Variants in WDR75 observed in about 807,000 individuals in gnomAD.
The protein encoded by WDR75 is WD repeat domain 75, also known as WD repeat-containing protein 75.
In WDR75, 52 loss-of-function variants were observed where a neutral mutation model predicts 106.1. That is an observed-to-expected ratio of 0.49 (90% CI 0.39 to 0.62). The LOEUF (loss-of-function observed/expected upper bound fraction) is 0.62, where lower values mean the gene tolerates loss of function less well. Ranked by LOEUF, WDR75 falls within the 20% of genes least tolerant of loss-of-function variation. The probability of loss-of-function intolerance (pLI) is 0.00; values close to 1 mark genes in which losing one functional copy is unlikely to be tolerated. For synonymous variants in WDR75, 333 were observed against 335.5 expected, an observed-to-expected ratio of 0.99 and a Z score of 0.08; for missense variants, 905 against 970.3, an observed-to-expected ratio of 0.93 and a Z score of 0.89.
intron 5 of WDR75, among the ~76,000 whole-genome samples, chr2:189,456,629 T>C (rs886117966): frequency 2.6e-5 from 4 of 151,992 alleles, no homozygotes; most frequent in Non-Finnish European, 5.9e-5. Context: ...CATTGAGGAA[T>C]GACTGTAAAG....
chr2:189,466,671 C>A, intron 13 of WDR75, 89 bp downstream of exon 13: 1 of 1,322,342 alleles, frequency 7.6e-7, no homozygotes, highest in Non-Finnish European at 1.0e-6. Flanking sequence ...CCTGGGAGGA[C>A]ATTTTCTACT....
Position 189,470,881 on chromosome 2 carries a change from A to G in WDR75, c.2049+3A>G. The G allele has an allele frequency of 6.2e-7, 1 of 1,601,796 alleles. No individual in the cohort carries two copies. The highest frequency in any genetic ancestry group is 1.1e-5 in the South Asian group (1 of 89,228). On this transcript the variant is annotated splice_donor_region_variant and intron_variant, in intron 18 of 20. Coordinates refer to ENST00000314761, the MANE Select transcript of WDR75 (RefSeq NM_032168.3). ...AACTCACACCAACAAGCAAACAGGT[A>G]TGTTTTAGCCATTCATAGCAGGATG...
chr2:189,474,511 T>G (rs114571292), intron 19 of WDR75, among the ~76,000 whole-genome samples, 179 bp downstream of exon 19: 2,311 of 152,276 alleles, frequency 0.015, 53 homozygotes, highest in African/African-American at 0.053. Context: ...GTCCTGGACC[T>G]GGTGTAGGGA....
chr2:189,466,161 TATC>T (rs920886555), intron 12 of WDR75, among the ~76,000 whole-genome samples: 7 of 152,142 alleles, frequency 4.6e-5, no homozygotes, highest in African/African-American at 1.7e-4. Context: ...TGACCTGTAT[TATC>T]CTCATTTTGT....
chr2:189,448,601 A>G (rs1420539179), intron 2 of WDR75, 93 bp downstream of exon 2: 1 of 1,492,784 alleles, frequency 6.7e-7, no homozygotes, highest in East Asian at 2.3e-5. Context: ...TTTCCAGGTT[A>G]TAAGTAAAAT....
At position 189,466,504 on chromosome 2, in the gene WDR75, G is replaced by T; in HGVS notation, c.1369G>T (p.Glu457Ter). 1 of 1,613,312 alleles carries T rather than the reference G, an allele frequency of 6.2e-7. No homozygotes were observed. ...CTGTTTCTGTAATGCAGAAAAATCT[G>T]AACAGCCCACCTTGGTTACAGCTAG... is the stretch of plus-strand genomic sequence containing the variant. Reference protein sequence around the residue: ...ALCFCNAEKSEQPTLVTASKD... With the variant: ...ALCFCNAEKS Residue 457 changes from glutamate to a stop codon, truncating the protein, a stop_gained, in exon 13 of 21, where the codon GAA becomes TAA. Coordinates refer to ENST00000314761, the MANE Select transcript of WDR75 (RefSeq NM_032168.3). LOFTEE classifies it high-confidence loss of function.
At chr2:189,451,321 T>G (rs192018352) in intron 3 of WDR75, among the ~76,000 whole-genome samples, 1 of 152,304 alleles carries the variant, frequency 6.6e-6, no homozygotes, top group East Asian at 1.9e-4. Context: ...ATGCTTAAAC[T>G]CATTAATAAA....
intron 5 of WDR75, 165 bp downstream of exon 5, chr2:189,455,609 A>C: frequency 1.2e-6 from 1 of 848,716 alleles, no homozygotes; most frequent in South Asian, 2.2e-5. Context: ...TTTATGGTAT[A>C]GATTTTTTTA....
At chr2:189,458,291 C>T (rs1272397189) in intron 6 of WDR75, among the ~76,000 whole-genome samples, 1 of 152,016 alleles carries the variant, frequency 6.6e-6, no homozygotes, top group Non-Finnish European at 1.5e-5. Flanking sequence ...AAGTATTCAG[C>T]CAAAGAATAG....
chr2:189,453,608 ATTC>A (rs1686670943), intron 4 of WDR75, among the ~76,000 whole-genome samples: 1 of 152,186 alleles, frequency 6.6e-6, no homozygotes, highest in African/African-American at 2.4e-5. Context: ...TGTAATCTAA[ATTC>A]TTCTCATAAT....
chr2:189,452,634 A>G (rs6754272), intron 4 of WDR75, among the ~76,000 whole-genome samples: 9,853 of 152,196 alleles, frequency 0.065, 496 homozygotes, highest in African/African-American at 0.14. Flanking sequence ...CACTGTCTTT[A>G]GAACATTGGT....
Position 189,463,811 on chromosome 2 carries a change from C to G in WDR75, c.998-35C>G, listed in dbSNP as rs1686947620. On this transcript the variant is annotated intron_variant, in intron 10 of 20. Coordinates refer to ENST00000314761, the MANE Select transcript of WDR75 (RefSeq NM_032168.3). ...AACATTTTAAAGAGTGCATATTTCT[C>G]TTATTTCACCTGTTATTTGTCACCA... 6 of 1,613,220 alleles carry G rather than the reference C, an allele frequency of 3.7e-6. No homozygotes were observed. In the South Asian group the frequency reaches 6.6e-5, roughly 18 times the overall value.
chr2:189,455,895 C>CT (rs1202442306), intron 5 of WDR75, among the ~76,000 whole-genome samples: 2 of 151,906 alleles, frequency 1.3e-5, no homozygotes, highest in Admixed American at 1.3e-4. Context: ...GTCTTTTCAT[C>CT]TTTTTTTTCA....
intron 12 of WDR75, 146 bp from the exon 13 acceptor site, chr2:189,466,279 A>G (rs1686997632): frequency 1.2e-6 from 1 of 841,822 alleles, no homozygotes; most frequent in East Asian, 2.5e-5. Flanking sequence ...CATTAGAGGT[A>G]GAGCACTCAA....
intron 18 of WDR75, 21 bp from the exon 19 acceptor site, chr2:189,474,165 C>T (rs543969093): frequency 1.3e-6 from 2 of 1,593,728 alleles, no homozygotes; most frequent in Admixed American, 3.6e-5. Context: ...AATAATTTCT[C>T]TTTGTCTTAA....
chr2:189,467,720 T>A, intron 14 of WDR75, 72 bp downstream of exon 14: 2 of 1,398,372 alleles, frequency 1.4e-6, no homozygotes, highest in African/African-American at 1.5e-5. Flanking sequence ...ACTTTAGTAG[T>A]CATTTATGCC....
At chr2:189,454,628 T>C (rs1369797926) in intron 4 of WDR75, among the ~76,000 whole-genome samples, 1 of 151,934 alleles carries the variant, frequency 6.6e-6, no homozygotes, top group Admixed American at 6.6e-5. Flanking sequence ...TTCACGCCAT[T>C]CTCCTGCCTC....
Position 189,470,228 on chromosome 2 carries a change from T to C in WDR75, c.1972T>C (p.Phe658Leu), listed in dbSNP as rs1217227244. 1 of 1,610,454 alleles carries C rather than the reference T, an allele frequency of 6.2e-7. No homozygotes were observed. The highest frequency in any genetic ancestry group is 1.7e-5 in the Admixed American group (1 of 59,364). ...YQWLNRSQFY[F>L]LTKSQSLLTF... ...GTGGCTAAATAGATCCCAGTTTTAC[T>C]TCCTAACAAAATCACAGGTAACTGC... Residue 658 changes from phenylalanine to leucine, a missense_variant, in exon 17 of 21, where the codon TTC becomes CTC. Transcript: ENST00000314761.
At chr2:189,469,139 A>C (rs1362534274) in intron 15 of WDR75, among the ~76,000 whole-genome samples, 1 of 152,202 alleles carries the variant, frequency 6.6e-6, no homozygotes, top group African/African-American at 2.4e-5. Context: ...TAATCTTTTC[A>C]TAGTTTGTAC....
Sources: allele counts gnomAD v4.1 joint callset (sites outside exome capture counted in the v4.1 genomes callset), GRCh38; gene constraint gnomAD v4.1.1; transcripts MANE v1.5; gene names NCBI Gene and HGNC (gene_info 2026-07-23, HGNC 2026-07-21).